Variants in EVA1A observed in about 807,000 individuals in gnomAD.
The protein encoded by EVA1A is eva-1 homolog A, regulator of programmed cell death, also known as protein eva-1 homolog A.
In EVA1A, 7 loss-of-function variants were observed where a neutral mutation model predicts 9.8. The observed-to-expected ratio is 0.71, with a 90% CI of 0.41 to 1.34. EVA1A has a LOEUF of 1.34. Ranked by LOEUF, EVA1A falls within the 40% of genes most tolerant of loss-of-function variation. EVA1A has a pLI of 0.01. For synonymous variants in EVA1A, 90 were observed against 85.6 expected (o/e 1.05, Z -0.28); for missense variants, 206 against 205.9 (o/e 1.00, Z 0.00).
intron 3 of EVA1A, among the ~76,000 whole-genome samples, chr2:75,498,487 T>TA (rs1260251207): frequency 5.9e-5 from 9 of 151,500 alleles, no homozygotes; most frequent in Admixed American, 1.3e-4. Flanking sequence ...AAAATAAAAG[T>TA]AAAAAAAACC....
chr2:75,561,943 G>T (rs1676934038), upstream of EVA1A, among the ~76,000 whole-genome samples: 1 of 152,176 alleles, frequency 6.6e-6, no homozygotes, highest in South Asian at 2.1e-4. Context: ...CCAGGCCTCT[G>T]GCTAGAGTAG....
At chr2:75,523,899 C>T (rs1675320905) in intron 1 of EVA1A, among the ~76,000 whole-genome samples, 1 of 152,130 alleles carries the variant, frequency 6.6e-6, no homozygotes, top group Non-Finnish European at 1.5e-5. Context: ...CCACTGAAAT[C>T]TCATCTTGTA....
chr2:75,540,582 C>T (rs976390628), intron 1 of EVA1A, among the ~76,000 whole-genome samples: 4 of 152,138 alleles, frequency 2.6e-5, no homozygotes, highest in African/African-American at 9.7e-5. Context: ...GTAATTCAAG[C>T]AGCATGTGCA....
chr2:75,547,617 A>T (rs1183249463), intron 1 of EVA1A, among the ~76,000 whole-genome samples: 1 of 152,166 alleles, frequency 6.6e-6, no homozygotes, highest in East Asian at 1.9e-4. Flanking sequence ...TAAAGAAACA[A>T]CTAGACATGT....
At chr2:75,529,686 A>G (rs747342167) in intron 1 of EVA1A, among the ~76,000 whole-genome samples, 22 of 152,216 alleles carry the variant, frequency 1.4e-4, no homozygotes, top group Non-Finnish European at 2.9e-4. Context: ...AAATTTAAAA[A>G]TTGTCTGAAC....
At chr2:75,520,609 T>C (rs1675199586) in intron 2 of EVA1A, among the ~76,000 whole-genome samples, 2 of 152,204 alleles carry the variant, frequency 1.3e-5, no homozygotes, top group African/African-American at 4.8e-5. Flanking sequence ...GACTGCCTTT[T>C]CAGCAAACGG....
Position 75,492,606 on chromosome 2 carries a change from A to G in EVA1A, c.*630T>C, listed in dbSNP as rs1353354902. The G allele has an allele frequency of 1.3e-5, 2 of 152,628 alleles. No individual in the cohort carries two copies. The highest frequency in any genetic ancestry group is 2.9e-5 in the Non-Finnish European group (2 of 68,038). 9.5% of individuals were successfully genotyped at this position (152,628 alleles called of 1,614,324 possible). A position where few individuals can be genotyped will look rare whatever the true frequency, so the allele number is the denominator to read the frequency against. On this transcript the variant is annotated 3_prime_UTR_variant, in exon 4 of 4. Coordinates refer to ENST00000393913, the MANE Select transcript of EVA1A (RefSeq NM_001135032.2). ...TCCTTTGAGGTTATTGACATTTTCT[A>G]GTTCACTGACACATCTCCCATAATA...
intron 1 of EVA1A, among the ~76,000 whole-genome samples, chr2:75,527,113 A>G (rs1041537598): frequency 6.6e-6 from 1 of 151,948 alleles, no homozygotes; most frequent in Non-Finnish European, 1.5e-5. Context: ...AAGACAGAAA[A>G]CTCTTAGACA....
chr2:75,546,494 T>A (rs1044091115), intron 1 of EVA1A, among the ~76,000 whole-genome samples: 2 of 152,092 alleles, frequency 1.3e-5, no homozygotes. Context: ...TGAACTGTAG[T>A]AATAAAAGCA....
At chr2:75,540,964 A>G (rs1380034463) in intron 1 of EVA1A, 1 of 152,240 alleles carries the variant, frequency 6.6e-6, no homozygotes, top group Non-Finnish European at 1.5e-5. Context: ...AGCATGCAAG[A>G]TGCTTTCATC....
At chr2:75,547,588 G>T (rs955205477) in intron 1 of EVA1A, among the ~76,000 whole-genome samples, 2 of 152,156 alleles carry the variant, frequency 1.3e-5, no homozygotes, top group African/African-American at 4.8e-5. Flanking sequence ...TTCTCTGGAA[G>T]AATCAGTCCA....
At chr2:75,557,482 T>A (rs979556717) in intron 1 of EVA1A, among the ~76,000 whole-genome samples, 2 of 152,228 alleles carry the variant, frequency 1.3e-5, no homozygotes, top group African/African-American at 2.4e-5. Context: ...TTGCATCTGA[T>A]CAAGTATAAT....
chr2:75,538,133 T>C (rs1403959183), intron 1 of EVA1A, among the ~76,000 whole-genome samples: 1 of 151,862 alleles, frequency 6.6e-6, no homozygotes, highest in East Asian at 1.9e-4. Flanking sequence ...CTACTAAAAA[T>C]ATGAAAGTTA....
At chr2:75,553,037 C>T (rs552433283) in intron 1 of EVA1A, among the ~76,000 whole-genome samples, 1 of 152,226 alleles carries the variant, frequency 6.6e-6, no homozygotes, top group South Asian at 2.1e-4. Context: ...GATGTGATTA[C>T]CTTGCCCCTT....
chr2:75,494,766 G>A (rs1674148506), intron 3 of EVA1A, among the ~76,000 whole-genome samples: 1 of 152,226 alleles, frequency 6.6e-6, no homozygotes, highest in Non-Finnish European at 1.5e-5. Flanking sequence ...CAGCCACTAA[G>A]TTTTGGGGTA....
intron 1 of EVA1A, among the ~76,000 whole-genome samples, chr2:75,559,196 T>C (rs1676828014): frequency 6.6e-6 from 1 of 152,180 alleles, no homozygotes; most frequent in African/African-American, 2.4e-5. Context: ...TCTTGTGCAA[T>C]ACAGGATGTG....
At chr2:75,559,652 G>T (rs964549984) in intron 1 of EVA1A, among the ~76,000 whole-genome samples, 1 of 128,346 alleles carries the variant, frequency 7.8e-6, no homozygotes, top group Non-Finnish European at 1.6e-5. Context: ...GGTATATTAG[G>T]TCAAAACGGA....
intron 1 of EVA1A, among the ~76,000 whole-genome samples, chr2:75,568,356 G>A: frequency 6.7e-6 from 1 of 148,504 alleles, no homozygotes; most frequent in Non-Finnish European, 1.5e-5. Flanking sequence ...ATAATTAAAG[G>A]ATATTGTTTA....
chr2:75,550,539 G>A (rs1676486055), intron 1 of EVA1A, among the ~76,000 whole-genome samples: 1 of 152,206 alleles, frequency 6.6e-6, no homozygotes. Flanking sequence ...GGAATACTTT[G>A]AAGGCAAATT....
Sources: allele counts gnomAD v4.1 joint callset (sites outside exome capture counted in the v4.1 genomes callset), GRCh38; gene constraint gnomAD v4.1.1; transcripts MANE v1.5; gene names NCBI Gene and HGNC (gene_info 2026-07-23, HGNC 2026-07-21).